CSMD1: variants seen among roughly 807,000 people sequenced by gnomAD.
The protein encoded by CSMD1 is CUB and Sushi multiple domains 1.
CSMD1 carries 213 observed loss-of-function variants against 417.5 expected under a neutral mutation model. The observed-to-expected ratio is 0.51, with a 90% confidence interval of 0.46 to 0.57. The LOEUF (loss-of-function observed/expected upper bound fraction) is 0.57. Ranked by LOEUF, CSMD1 falls within the 20% of genes least tolerant of loss-of-function variation. The probability of loss-of-function intolerance (pLI) is 0.00; values close to 1 mark genes in which losing one functional copy is unlikely to be tolerated. For missense variants in CSMD1, 6,923 were observed against 4,529.7 expected, an observed-to-expected ratio of 1.53 and a Z score of -15.17; for synonymous variants, 2,862 against 1,736.8, an observed-to-expected ratio of 1.65 and a Z score of -16.11.
chr8:3,262,532 G>A lies in CSMD1; in HGVS notation c.4153+21612C>T, dbSNP rs1043347807. ...GGCGCTATAAATGCTATTACTTCGG[G>A]CCAAATGAAAAAAAAAAGAAAAAGA... On this transcript the variant is annotated intron_variant, in intron 26 of 69. Coordinates refer to ENST00000635120, the MANE Select transcript of CSMD1 (RefSeq NM_033225.6). Among the ~76,000 whole-genome samples, 3 of 150,404 alleles carry A rather than the reference G, an allele frequency of 2.0e-5. No homozygotes were observed. In the East Asian group the frequency reaches 5.9e-4, roughly 29 times the overall value.
rs147790491 is a variant in CSMD1 at position 3,976,323 on chromosome 8, C to T, written c.818+21580G>A. Among the ~76,000 whole-genome samples, 358 of 152,182 alleles carry T rather than the reference C, an allele frequency of 2.4e-3. 1 individual carries two copies. Among genetic ancestry groups the T allele is most frequent in the African/African-American group, 8.0e-3 (334 of 41,520 alleles). ...TCATTTTTTTCTCATAGAGTCAATGCGTTTTTAATTACTAAAACTGAAAGG... is the reference window on the plus strand; with the variant it reads ...TCATTTTTTTCTCATAGAGTCAATGTGTTTTTAATTACTAAAACTGAAAGG... On this transcript the variant is annotated intron_variant, in intron 5 of 69. Transcript: ENST00000635120.
Position 2,962,536 on chromosome 8 carries a change from T to A in CSMD1, c.9558A>T (p.Ile3186=), listed in dbSNP as rs560740950. 2.3e-5 allele frequency: 37 copies of A among 1,613,806 alleles called. No homozygotes were observed. In the South Asian group the frequency reaches 4.0e-4, roughly 17 times the overall value. ...EVFFQCKSPF[I]LVGSSRRVCQ... ...AGACTCTTCTGGAGGATCCCACGAG[T>A]ATAAATGGAGATTTGCACTGGAAGA... The change falls in exon 61 of 70, where the codon ATA becomes ATT. Residue 3186 remains isoleucine (I), a synonymous_variant. Coordinates refer to ENST00000635120, the MANE Select transcript of CSMD1 (RefSeq NM_033225.6).
chr8:3,823,749 T>C lies in CSMD1; in HGVS notation c.819-69707A>G, dbSNP rs193255132. 1.4e-3 allele frequency among the ~76,000 whole-genome samples: 217 copies of C among 152,292 alleles called. 1 individual carries two copies. The highest frequency in any genetic ancestry group is 4.9e-3 in the African/African-American group (204 of 41,570). Reference sequence around the variant, plus strand: ...ACCTTTTTAACACAAAGTAAACTTATATGTTTTTCTCTAAAATACTTTTGT... The same window carrying C: ...ACCTTTTTAACACAAAGTAAACTTACATGTTTTTCTCTAAAATACTTTTGT... On this transcript the variant is annotated intron_variant, in intron 5 of 69. Transcript: ENST00000635120.
Position 3,795,093 on chromosome 8 carries a change from ATATC to A in CSMD1, c.819-41055_819-41052del, listed in dbSNP as rs1318932446. 2.1e-4 allele frequency among the ~76,000 whole-genome samples: 16 copies of A among 74,504 alleles called. 2 individuals carry two copies. The highest frequency in any genetic ancestry group is 3.4e-4 in the Non-Finnish European group (11 of 32,162). The allele number at this position is 74,504 out of a possible 152,430, so 48.9% of individuals were successfully genotyped here. A position where few individuals can be genotyped will look rare whatever the true frequency, so the allele number is the denominator to read the frequency against. ...ATCTATCATGTACAGCTATAGATAT[ATATC>A]TATCATGTACAGCTATAGATATCTA... On this transcript the variant is annotated intron_variant, in intron 5 of 69. Transcript: ENST00000635120.
At chr8:4,593,518 AT>A (rs1227486018) in intron 2 of CSMD1, among the ~76,000 whole-genome samples, 2 of 152,332 alleles carry the variant, frequency 1.3e-5, no homozygotes, top group East Asian at 3.9e-4. Flanking sequence ...TTTTTCAATT[AT>A]AAATAGCCCA....
chr8:4,043,159 G>A (rs1289128289), intron 3 of CSMD1, among the ~76,000 whole-genome samples: 23 of 151,964 alleles, frequency 1.5e-4, no homozygotes, highest in Admixed American at 1.5e-3. Flanking sequence ...AATAAAAAAA[G>A]CAGCAGTATA....
At chr8:4,536,414 T>C (rs181778387) in intron 2 of CSMD1, among the ~76,000 whole-genome samples, 1 of 152,290 alleles carries the variant, frequency 6.6e-6, no homozygotes, top group Admixed American at 6.5e-5. Flanking sequence ...TATATACATA[T>C]AGGTATGGAT....
At chr8:4,044,807 TGTGA>T in intron 3 of CSMD1, among the ~76,000 whole-genome samples, 1 of 89,978 alleles carries the variant, frequency 1.1e-5, no homozygotes, top group Non-Finnish European at 2.6e-5. Context: ...CCACCCTGGA[TGTGA>T]ACCATCCTCG....
chr8:3,343,875 T>A (rs1585028558), intron 22 of CSMD1, among the ~76,000 whole-genome samples: 1 of 152,298 alleles, frequency 6.6e-6, no homozygotes, highest in South Asian at 2.1e-4. Context: ...AACATACCCT[T>A]CCTTTCTATT....
intron 1 of CSMD1, among the ~76,000 whole-genome samples, chr8:4,789,065 G>C (rs768523139): frequency 1.3e-5 from 2 of 152,140 alleles, no homozygotes; most frequent in African/African-American, 4.8e-5. Context: ...TCAACTTCTT[G>C]GGACCTCAGA....
At chr8:3,740,017 G>A (rs1033347205) in intron 6 of CSMD1, among the ~76,000 whole-genome samples, 6 of 152,162 alleles carry the variant, frequency 3.9e-5, no homozygotes, top group African/African-American at 1.4e-4. Context: ...GGGAGTCATT[G>A]AAATACCAAT....
At chr8:4,809,289 G>T (rs866980700) in intron 1 of CSMD1, among the ~76,000 whole-genome samples, 2 of 152,284 alleles carry the variant, frequency 1.3e-5, no homozygotes, top group Middle Eastern at 6.8e-3. Flanking sequence ...CATTAAATGT[G>T]TTATACATAT....
chr8:3,424,004 G>C (rs374161108), intron 12 of CSMD1, among the ~76,000 whole-genome samples: 103 of 152,254 alleles, frequency 6.8e-4, no homozygotes, highest in African/African-American at 2.2e-3. Flanking sequence ...TGGTGAAAAA[G>C]TGGTCTCTCC....
At chr8:4,137,200 C>A (rs1053869200) in intron 3 of CSMD1, among the ~76,000 whole-genome samples, 4 of 152,128 alleles carry the variant, frequency 2.6e-5, no homozygotes, top group African/African-American at 7.2e-5. Context: ...CCTCATCTTG[C>A]CTGGAAACAG....
At chr8:4,870,267 T>G (rs1802659466) in intron 1 of CSMD1, among the ~76,000 whole-genome samples, 1 of 152,280 alleles carries the variant, frequency 6.6e-6, no homozygotes, top group African/African-American at 2.4e-5. Flanking sequence ...GGTTTCCCTC[T>G]ATAACTTTTT....
chr8:4,443,642 C>G (rs575337259), intron 2 of CSMD1, among the ~76,000 whole-genome samples: 1 of 152,172 alleles, frequency 6.6e-6, no homozygotes, highest in Non-Finnish European at 1.5e-5. Context: ...ACAGCCATGC[C>G]GTTGACGTGC....
At chr8:4,476,734 A>AT (rs1800823032) in intron 2 of CSMD1, among the ~76,000 whole-genome samples, 1 of 152,150 alleles carries the variant, frequency 6.6e-6, no homozygotes, top group Non-Finnish European at 1.5e-5. Context: ...AGCTTTCTTA[A>AT]TTTCTATACC....
chr8:4,235,285 C>A (rs1015568365), intron 3 of CSMD1, among the ~76,000 whole-genome samples: 26 of 151,580 alleles, frequency 1.7e-4, no homozygotes, highest in African/African-American at 6.1e-4. Context: ...AACTCACATA[C>A]AAAAATGCAC....
At chr8:4,486,371 GTA>G (rs1470745512) in intron 2 of CSMD1, among the ~76,000 whole-genome samples, 1 of 149,736 alleles carries the variant, frequency 6.7e-6, no homozygotes, top group East Asian at 1.9e-4. Context: ...TCTTAAACAT[GTA>G]TATCTCCTTC....
Sources: gnomAD v4.1 joint callset for allele counts (sites outside exome capture counted in the v4.1 genomes callset) on GRCh38, gnomAD v4.1.1 for gene constraint, MANE v1.5 for transcripts, NCBI Gene and HGNC (gene_info 2026-07-23, HGNC 2026-07-21) for gene names.